CDKN2B-AS1: variants seen among roughly 807,000 people sequenced by gnomAD.
CDKN2B-AS1 encodes CDKN2B and CDKN2A antisense cis and trans regulatory RNA 1.
At chr9:22,064,765 G>C (rs574658765) in intron 4 of CDKN2B-AS1, among the ~76,000 whole-genome samples, 3 of 152,090 alleles carry the variant, frequency 2.0e-5, no homozygotes, top group Non-Finnish European at 2.9e-5. Flanking sequence ...CCCTGGGGTG[G>C]ACTCATGATG....
At position 21,997,397 on chromosome 9, in the gene CDKN2B-AS1, T is replaced by C. The variant is rs1249030881; in HGVS notation, n.29+2236T>C. 6.6e-6 allele frequency among the ~76,000 whole-genome samples: 1 copy of C among 152,084 alleles called. No individual in the cohort carries two copies. The highest frequency in any genetic ancestry group is 1.5e-5 in the Non-Finnish European group (1 of 68,014). On this transcript the variant is annotated intron_variant and non_coding_transcript_variant, in intron 1 of 4. Coordinates refer to ENST00000650946, the Ensembl canonical transcript of CDKN2B-AS1. The surrounding 1 kb of genome is among the most constrained non-coding windows in gnomAD (Gnocchi z 4.8). ...GACTGAAGCATCGTTATCCAGCACA[T>C]GACTCTGTGTGTGTATACAATTTTA...
At chr9:22,063,296 T>G (rs552732705) in intron 4 of CDKN2B-AS1, among the ~76,000 whole-genome samples, 1 of 152,130 alleles carries the variant, frequency 6.6e-6, no homozygotes, top group Non-Finnish European at 1.5e-5. Context: ...AGTTCAGTTT[T>G]GTGACACCAC....
chr9:22,037,255 G>A (rs1475612312), intron 1 of CDKN2B-AS1, among the ~76,000 whole-genome samples: 1 of 152,008 alleles, frequency 6.6e-6, no homozygotes, highest in Non-Finnish European at 1.5e-5. Flanking sequence ...GGATAAAGAA[G>A]AAAAATGGGG....
At chr9:22,048,873 T>G (rs1173414104) in intron 2 of CDKN2B-AS1, among the ~76,000 whole-genome samples, 6 of 152,206 alleles carry the variant, frequency 3.9e-5, no homozygotes, top group African/African-American at 1.2e-4. Flanking sequence ...GTCTTCTAAT[T>G]TGAAAATGGA....
At chr9:22,038,780 T>C (rs1822789512) in intron 1 of CDKN2B-AS1, among the ~76,000 whole-genome samples, 1 of 152,068 alleles carries the variant, frequency 6.6e-6, no homozygotes, top group Admixed American at 6.6e-5. Flanking sequence ...AATCCATTAT[T>C]TGGTAAAGAC....
chr9:22,007,975 G>A (rs147476888), intron 1 of CDKN2B-AS1, among the ~76,000 whole-genome samples: 2 of 152,246 alleles, frequency 1.3e-5, no homozygotes, highest in East Asian at 3.9e-4. Context: ...TGATAGTGAG[G>A]TGAGTACTGA....
chr9:22,090,573 G>A (rs967087770), intron 4 of CDKN2B-AS1, among the ~76,000 whole-genome samples: 4 of 152,168 alleles, frequency 2.6e-5, no homozygotes, highest in Non-Finnish European at 4.4e-5. Context: ...TTTCTCTGAT[G>A]CCCAGTGATG....
At chr9:22,091,185 T>C (rs938867396) in intron 4 of CDKN2B-AS1, among the ~76,000 whole-genome samples, 3 of 152,210 alleles carry the variant, frequency 2.0e-5, no homozygotes, top group Non-Finnish European at 4.4e-5. Context: ...CATTGGTCTA[T>C]ATCTCTGTTT....
Position 22,121,711 on chromosome 9 carries a change from C to G in CDKN2B-AS1, n.439-5392C>G, listed in dbSNP as rs534842491. On this transcript the variant is annotated intron_variant and non_coding_transcript_variant, in intron 4 of 4. Coordinates refer to ENST00000650946, the Ensembl canonical transcript of CDKN2B-AS1. ...CACTTAACACAGTGTCCTCCAAGAG[C>G]ATCCATCCAGGATTTTATTGCTTTT... Among the ~76,000 whole-genome samples, 7 of 152,152 alleles carry G rather than the reference C, an allele frequency of 4.6e-5. No homozygotes were observed. The South Asian group carries it at 1.5e-3, about 32-fold the overall frequency.
At chr9:22,020,810 C>G (rs1185207422) in intron 1 of CDKN2B-AS1, among the ~76,000 whole-genome samples, 2 of 152,146 alleles carry the variant, frequency 1.3e-5, no homozygotes, top group Non-Finnish European at 2.9e-5. Flanking sequence ...AAGAAATGTT[C>G]TCCCATTCTG....
At chr9:22,013,576 A>C (rs1335224497) in intron 1 of CDKN2B-AS1, among the ~76,000 whole-genome samples, 1 of 152,038 alleles carries the variant, frequency 6.6e-6, no homozygotes, top group Admixed American at 6.6e-5. Context: ...CTCATCCTCC[A>C]GAGTAGATGG....
intron 1 of CDKN2B-AS1, among the ~76,000 whole-genome samples, chr9:22,042,629 G>C (rs539187535): frequency 1.2e-4 from 19 of 152,084 alleles, no homozygotes; most frequent in African/African-American, 4.1e-4. Context: ...CAGTCCAGGG[G>C]GTCTCCATTC....
chr9:22,126,727 T>C (rs72655411), intron 4 of CDKN2B-AS1, among the ~76,000 whole-genome samples: 3 of 151,558 alleles, frequency 2.0e-5, no homozygotes, highest in Admixed American at 6.6e-5. Context: ...CGCCCGCCAC[T>C]GCACCCGGCT....
chr9:22,123,809 A>G (rs769205297), intron 4 of CDKN2B-AS1, among the ~76,000 whole-genome samples: 17 of 152,212 alleles, frequency 1.1e-4, no homozygotes, highest in Admixed American at 9.8e-4. Context: ...GGAAGATTTA[A>G]AACAAATGGA....
At chr9:22,069,985 G>A (rs1477540838) in intron 4 of CDKN2B-AS1, among the ~76,000 whole-genome samples, 2 of 151,992 alleles carry the variant, frequency 1.3e-5, no homozygotes. Context: ...TATTTTTTGG[G>A]AATGTGCGTT....
chr9:22,120,811 CATCATT>C (rs1251090895), intron 4 of CDKN2B-AS1: 2 of 151,998 alleles, frequency 1.3e-5, no homozygotes, highest in African/African-American at 2.4e-5. Context: ...TCATCATCAT[CATCATT>C]ATCATCACCA....
At chr9:22,043,592 G>A (rs905097551) in intron 1 of CDKN2B-AS1, among the ~76,000 whole-genome samples, 3 of 151,744 alleles carry the variant, frequency 2.0e-5, no homozygotes, top group Middle Eastern at 3.2e-3. Flanking sequence ...CCACTCCTTA[G>A]GTTGTGAAAG....
intron 1 of CDKN2B-AS1, among the ~76,000 whole-genome samples, chr9:22,021,051 A>G (rs897427099): frequency 2.0e-5 from 3 of 152,128 alleles, no homozygotes; most frequent in South Asian, 4.1e-4. Context: ...TAAGTTTTGT[A>G]TATGGTGTAA....
chr9:22,061,581 A>G (rs577041732), intron 4 of CDKN2B-AS1, among the ~76,000 whole-genome samples: 8 of 152,356 alleles, frequency 5.3e-5, no homozygotes, highest in Admixed American at 2.0e-4. Context: ...ATCCATTAAT[A>G]GCAACTAAAT....
Sources: allele counts gnomAD v4.1 joint callset (sites outside exome capture counted in the v4.1 genomes callset), GRCh38; gene constraint gnomAD v4.1.1; non-coding constraint Gnocchi (gnomAD v3.1); transcripts MANE v1.5; gene names NCBI Gene and HGNC (gene_info 2026-07-23, HGNC 2026-07-21).